Variants in TOGARAM1 observed in about 807,000 individuals in gnomAD.
TOGARAM1 encodes TOG array regulator of axonemal microtubules 1, also known as TOG array regulator of axonemal microtubules protein 1.
TOGARAM1 carries 100 observed loss-of-function variants against 166.6 expected under a neutral mutation model. The observed-to-expected ratio is 0.60, with a 90% confidence interval of 0.51 to 0.71. The LOEUF is 0.71. Ranked by LOEUF, TOGARAM1 falls within the 30% of genes least tolerant of loss-of-function variation. TOGARAM1 has a pLI of 0.00. For missense variants in TOGARAM1, 2,029 were observed against 2,102.7 expected (o/e 0.96, Z 0.69); for synonymous variants, 758 against 763.8 (o/e 0.99, Z 0.13).
At position 45,044,262 on chromosome 14, in the gene TOGARAM1, G is replaced by A. The variant is rs539188545; in HGVS notation, c.3919-373G>A. Among the ~76,000 whole-genome samples, 11 of 152,120 alleles carry A rather than the reference G, an allele frequency of 7.2e-5. No homozygotes were observed. The South Asian group carries it at 1.0e-3, about 14-fold the overall frequency. ...TGACCTCAGGTGATCCACCCACCTC[G>A]GCCTCCCAAAGTGCTGGGATTATAG... On this transcript the variant is annotated intron_variant, in intron 12 of 19. Coordinates refer to ENST00000361462, the MANE Select transcript of TOGARAM1 (RefSeq NM_001308120.2).
At position 44,999,466 on chromosome 14, in the gene TOGARAM1, C is replaced by T. The variant is rs1437392376; in HGVS notation, c.2307C>T (p.Phe769=). The change falls in exon 3 of 20, where the codon TTC becomes TTT. Residue 769 remains phenylalanine (F), a synonymous_variant. Coordinates refer to ENST00000361462, the MANE Select transcript of TOGARAM1 (RefSeq NM_001308120.2). ...GCAGTGTGGGTTCTGACTTACAATT[C>T]CTAGGGACAACTAGCAGTCATCAAG... is the stretch of plus-strand genomic sequence containing the variant. ...KTGSVGSDLQ[F]LGTTSSHQEK... 3.7e-6 allele frequency: 6 copies of T among 1,611,318 alleles called. No individual in the cohort carries two copies. Among genetic ancestry groups the T allele is most frequent in the Admixed American group, 1.7e-5 (1 of 59,884 alleles).
At chr14:45,032,822 A>T (rs1881237168) in intron 11 of TOGARAM1, among the ~76,000 whole-genome samples, 1 of 152,192 alleles carries the variant, frequency 6.6e-6, no homozygotes, top group African/African-American at 2.4e-5. Context: ...GCATCCACTT[A>T]CTGCCTTTGT....
chr14:45,066,833 T>C, intron 17 of TOGARAM1, 66 bp downstream of exon 17: 2 of 1,382,440 alleles, frequency 1.4e-6, no homozygotes, highest in South Asian at 3.1e-5. Flanking sequence ...CCAAGCACTT[T>C]GGGAAGCCAA....
Position 45,052,517 on chromosome 14 carries a change from A to C in TOGARAM1, c.4395A>C (p.Lys1465Asn). ...TGCTTGAAAAGTATGTCCCATCTAA[A>C]GATTTGCCATATATTAAGGACTCTG... ...EKMLEKYVPS[K>N]DLPYIKDSVR... is the part of the protein sequence containing the mutation. The change falls in exon 15 of 20, where the codon AAA becomes AAC. Residue 1465 changes from lysine (K) to asparagine (N), a missense_variant. Around this residue, in one of 2 missense-constraint regions of TOGARAM1, gnomAD observed 576 missense variants for 670.5 expected, o/e 0.86. Coordinates refer to ENST00000361462, the MANE Select transcript of TOGARAM1 (RefSeq NM_001308120.2). The C allele has an allele frequency of 1.2e-6, 2 of 1,612,800 alleles. No individual in the cohort carries two copies. The highest frequency in any genetic ancestry group is 1.7e-6 in the Non-Finnish European group (2 of 1,179,384).
At chr14:45,016,915 T>A (rs1880178264) in intron 7 of TOGARAM1, among the ~76,000 whole-genome samples, 1 of 152,196 alleles carries the variant, frequency 6.6e-6, no homozygotes, top group Non-Finnish European at 1.5e-5. Flanking sequence ...ATATACCTTA[T>A]GTATAATATT....
At chr14:45,035,949 A>G (rs77863545) in intron 11 of TOGARAM1, among the ~76,000 whole-genome samples, 16 of 105,248 alleles carry the variant, frequency 1.5e-4, no homozygotes, top group East Asian at 5.1e-4. Context: ...TCATCTCTAG[A>G]AAAAAAAAAA....
chr14:44,985,273 A>G (rs1431375252), intron 1 of TOGARAM1, among the ~76,000 whole-genome samples: 3 of 152,274 alleles, frequency 2.0e-5, no homozygotes, highest in African/African-American at 4.8e-5. Context: ...CGGCCTCCCA[A>G]AGTGCTGGGA....
Position 45,025,866 on chromosome 14 carries a change from G to A in TOGARAM1, c.3322G>A (p.Gly1108Arg). ...ATCAGAAGACTCAGTAGTAGTTGTT[G>A]GAAAAGGTATTTCAAAGTTATTTCG... is the stretch of plus-strand genomic sequence containing the variant. Reference protein sequence around the residue: ...ALSEDSVVVVGKGVFGSLSSA... With the variant: ...ALSEDSVVVVRKGVFGSLSSA... Residue 1108 changes from glycine to arginine, a missense_variant, in exon 8 of 20, where the codon GGA becomes AGA. Transcript: ENST00000361462. 6.4e-7 allele frequency: 1 copy of A among 1,567,480 alleles called. No individual in the cohort carries two copies. Among genetic ancestry groups the A allele is most frequent in the Non-Finnish European group, 8.8e-7 (1 of 1,142,792 alleles).
rs368417670 is a variant in TOGARAM1 at position 45,066,849 on chromosome 14, A to G, written c.4749+82A>G. ...CAAGCACTTTGGGAAGCCAAGGTAG[A>G]AGGATCTCTTGAGGCTAGGAGTTCA... On this transcript the variant is annotated intron_variant, in intron 17 of 19. Transcript: ENST00000361462. The G allele has an allele frequency of 1.5e-3, 1,815 of 1,201,122 alleles. 4 individuals carry two copies. The highest frequency in any genetic ancestry group is 0.01 in the Middle Eastern group (33 of 3,276). 74.4% of individuals were successfully genotyped at this position (1,201,122 alleles called of 1,614,324 possible). A position where few individuals can be genotyped will look rare whatever the true frequency, so the allele number is the denominator to read the frequency against.
At position 45,046,823 on chromosome 14, in the gene TOGARAM1, G is replaced by C. The variant is rs958133862; in HGVS notation, c.4313+120G>C. On this transcript the variant is annotated intron_variant, in intron 14 of 19. Transcript: ENST00000361462. ...ATGGAGAAGTGGGGTCCCAGGGATT[G>C]GTGCTGGGGGATGGTCTTATTTAAC... is the stretch of plus-strand genomic sequence containing the variant. The C allele has an allele frequency of 8.9e-6, 7 of 785,824 alleles. No homozygotes were observed. The African/African-American group carries it at 1.3e-4, about 14-fold the overall frequency. 48.7% of individuals were successfully genotyped at this position (785,824 alleles called of 1,614,324 possible).
intron 1 of TOGARAM1, among the ~76,000 whole-genome samples, chr14:44,994,429 T>G (rs1887316605): frequency 6.6e-6 from 1 of 151,986 alleles, no homozygotes; most frequent in Non-Finnish European, 1.5e-5. Flanking sequence ...GAGGGCATTC[T>G]TTTTTTTGAG....
intron 16 of TOGARAM1, among the ~76,000 whole-genome samples, chr14:45,066,323 C>G (rs1883135878): frequency 6.6e-6 from 1 of 152,058 alleles, no homozygotes; most frequent in Admixed American, 6.6e-5. Context: ...TGTTTGGTAT[C>G]CTTCTGCTGT....
intron 1 of TOGARAM1, among the ~76,000 whole-genome samples, chr14:44,969,596 G>C (rs1301729471): frequency 6.6e-6 from 1 of 152,066 alleles, no homozygotes; most frequent in Non-Finnish European, 1.5e-5. Flanking sequence ...TCATGCCTTT[G>C]GTATCATATC....
chr14:44,968,624 T>A (rs931512957), intron 1 of TOGARAM1, among the ~76,000 whole-genome samples: 3 of 152,218 alleles, frequency 2.0e-5, no homozygotes, highest in African/African-American at 4.8e-5. Flanking sequence ...CATATACCCC[T>A]GTCCACACAA....
At chr14:45,044,606 C>A (rs955737512) in intron 12 of TOGARAM1, 29 bp from the exon 13 acceptor site, 4 of 1,493,906 alleles carry the variant, frequency 2.7e-6, no homozygotes, top group South Asian at 1.2e-5. Context: ...AGAATATCAG[C>A]AAAATGTACA....
At chr14:45,060,721 T>C (rs1455856904) in intron 16 of TOGARAM1, among the ~76,000 whole-genome samples, 1 of 152,230 alleles carries the variant, frequency 6.6e-6, no homozygotes, top group East Asian at 1.9e-4. Flanking sequence ...ACTTATTTCA[T>C]AGATATTTCT....
intron 13 of TOGARAM1, 52 bp downstream of exon 13, chr14:45,044,922 C>A: frequency 1.5e-6 from 2 of 1,331,158 alleles, no homozygotes; most frequent in Non-Finnish European, 2.1e-6. Context: ...TGAAATGTTG[C>A]AATCGGGACT....
chr14:45,007,636 T>C (rs1566628979), intron 5 of TOGARAM1: 1 of 152,156 alleles, frequency 6.6e-6, no homozygotes, highest in East Asian at 1.9e-4. Context: ...TGTTGAAAAT[T>C]ACTTATCCTC....
At chr14:45,047,556 A>T (rs1882135374) in intron 14 of TOGARAM1, among the ~76,000 whole-genome samples, 2 of 152,174 alleles carry the variant, frequency 1.3e-5, no homozygotes, top group South Asian at 2.1e-4. Context: ...CAACACAATA[A>T]TTAAGATGTG....
Sources: allele counts gnomAD v4.1 joint callset (sites outside exome capture counted in the v4.1 genomes callset), GRCh38; gene constraint gnomAD v4.1.1; regional missense constraint gnomAD v4.1.1; transcripts MANE v1.5; gene names NCBI Gene and HGNC (gene_info 2026-07-23, HGNC 2026-07-21).